Variants in BDP1 observed in about 807,000 individuals in gnomAD.
BDP1 encodes the protein BDP1 general transcription factor IIIB subunit.
In BDP1, 169 loss-of-function variants were observed where a neutral mutation model predicts 266.6. That is an observed-to-expected ratio of 0.63 (90% CI 0.56 to 0.72). The LOEUF is 0.72. Ranked by LOEUF, BDP1 falls within the 30% of genes least tolerant of loss-of-function variation. The pLI is 0.00. For synonymous variants in BDP1, 1,090 were observed against 1,022.4 expected, an observed-to-expected ratio of 1.07 and a Z score of -1.26; for missense variants, 3,015 against 3,053.8, an observed-to-expected ratio of 0.99 and a Z score of 0.30.
At chr5:71,550,702 A>T (rs1704247018) in intron 34 of BDP1, among the ~76,000 whole-genome samples, 1 of 152,110 alleles carries the variant, frequency 6.6e-6, no homozygotes, top group Non-Finnish European at 1.5e-5. Flanking sequence ...TAGAAATTGA[A>T]GACTTTAATA....
At chr5:71,501,064 T>C (rs1208557292) in intron 13 of BDP1, among the ~76,000 whole-genome samples, 1 of 150,590 alleles carries the variant, frequency 6.6e-6, no homozygotes, top group East Asian at 1.9e-4. Context: ...GTCACTGTAC[T>C]CTAGCCTGGG....
rs1298769025 is a variant in BDP1 at position 71,491,110 on chromosome 5, C to G, written c.1619C>G (p.Thr540Ser). ...TCCACTGAAAAAGTTGAGAAAAGAA[C>G]TGACCCCATCCTTTCATTAAGGTAT... Reference protein sequence around the residue: ...FASTEKVEKRTDPILSLSNQQ... With the variant: ...FASTEKVEKRSDPILSLSNQQ... The change falls in exon 11 of 39, where the codon ACT becomes AGT. Residue 540 changes from threonine to serine, a missense_variant. Thr to Ser is a moderately conservative substitution (Grantham distance 58, BLOSUM62 1). Around this residue, in one of 3 missense-constraint regions of BDP1, gnomAD observed 2,383 missense variants for 2,404.9 expected, o/e 0.99. Coordinates refer to ENST00000358731, the MANE Select transcript of BDP1 (RefSeq NM_018429.3). 2 of 1,613,908 alleles carry G rather than the reference C, an allele frequency of 1.2e-6. No individual in the cohort carries two copies. Among genetic ancestry groups the G allele is most frequent in the Admixed American group, 3.3e-5 (2 of 59,984 alleles).
At chr5:71,512,622 AAC>A (rs759705118) in intron 18 of BDP1, among the ~76,000 whole-genome samples, 194 bp downstream of exon 18, 26 of 152,216 alleles carry the variant, frequency 1.7e-4, no homozygotes, top group Non-Finnish European at 3.5e-4. Flanking sequence ...AATTGTATGT[AAC>A]AGTCTTAAAT....
chr5:71,503,815 T>G (rs1764406905), intron 15 of BDP1, among the ~76,000 whole-genome samples: 1 of 151,810 alleles, frequency 6.6e-6, no homozygotes, highest in Non-Finnish European at 1.5e-5. Flanking sequence ...AACAAAAATT[T>G]TTTTAATTAG....
chr5:71,569,679 A>G (rs564121852), downstream of BDP1, among the ~76,000 whole-genome samples: 1 of 152,254 alleles, frequency 6.6e-6, no homozygotes, highest in East Asian at 1.9e-4. Flanking sequence ...CCAGAGGTGG[A>G]GGTTGCAGTA....
In BDP1 at chr5:71,564,948, A is replaced by C. The variant is rs574229159; in HGVS notation, c.*63A>C. 1.4e-5 allele frequency: 20 copies of C among 1,445,412 alleles called. No individual in the cohort carries two copies. In the African/African-American group the frequency reaches 2.7e-4, roughly 20 times the overall value. The allele number at this position is 1,445,412 out of a possible 1,614,324, so 89.5% of individuals were successfully genotyped here. ...AGGATTTCCAGAGTCAATTACATCA[A>C]CAAAACAGTATTTAGAGCAAAATAT... On this transcript the variant is annotated 3_prime_UTR_variant, in exon 39 of 39. Transcript: ENST00000358731.
intron 9 of BDP1, among the ~76,000 whole-genome samples, chr5:71,487,570 A>G (rs1447320443): frequency 6.6e-6 from 1 of 152,124 alleles, no homozygotes; most frequent in African/African-American, 2.4e-5. Context: ...TCACCAAGAA[A>G]CAGCCCCAGA....
chr5:71,559,034 A>G (rs1743436690), intron 36 of BDP1, among the ~76,000 whole-genome samples: 1 of 151,364 alleles, frequency 6.6e-6, no homozygotes, highest in South Asian at 2.1e-4. Flanking sequence ...CATGCCTGTA[A>G]TCCCAGCTAC....
At chr5:71,535,344 A>G (rs1766527328) in intron 26 of BDP1, among the ~76,000 whole-genome samples, 1 of 151,890 alleles carries the variant, frequency 6.6e-6, no homozygotes, top group South Asian at 2.1e-4. Flanking sequence ...AGCTGGGATT[A>G]CAAGCGCCCG....
chr5:71,542,409 A>G, intron 30 of BDP1, 144 bp downstream of exon 30: 1 of 756,720 alleles, frequency 1.3e-6, no homozygotes, highest in South Asian at 2.0e-5. Flanking sequence ...GCTATAAAAT[A>G]AATACCCATA....
chr5:71,505,271 T>C (rs1389300743), intron 16 of BDP1, among the ~76,000 whole-genome samples: 2 of 152,148 alleles, frequency 1.3e-5, no homozygotes, highest in African/African-American at 2.4e-5. Flanking sequence ...CCTCCTAAAG[T>C]GGTGGGATTA....
intron 22 of BDP1, among the ~76,000 whole-genome samples, chr5:71,517,803 C>T (rs924703810): frequency 1.3e-5 from 2 of 152,118 alleles, no homozygotes; most frequent in African/African-American, 4.8e-5. Context: ...GTGGTTCACG[C>T]CTGTAATCTC....
rs753745144 is a variant in BDP1 at position 71,470,460 on chromosome 5, T to C, written c.985T>C (p.Phe329Leu). Residue 329 changes from phenylalanine to leucine, a missense_variant, in exon 7 of 39, where the codon TTT becomes CTT. Coordinates refer to ENST00000358731, the MANE Select transcript of BDP1 (RefSeq NM_018429.3). ...TGACTTTTCTATGATCGGACAACTT[T>C]TTCCTCACAGAGCAAGGATAGAAAT... Reference protein sequence around the residue: ...GTDFSMIGQLFPHRARIEIKN... With the variant: ...GTDFSMIGQLLPHRARIEIKN... 26 of 1,612,070 alleles carry C rather than the reference T, an allele frequency of 1.6e-5. No homozygotes were observed. The South Asian group carries it at 2.3e-4, about 14-fold the overall frequency.
chr5:71,545,988 C>T (rs1220255725), intron 32 of BDP1, among the ~76,000 whole-genome samples: 3 of 151,892 alleles, frequency 2.0e-5, no homozygotes, highest in Non-Finnish European at 4.4e-5. Flanking sequence ...CAGAGTGAGA[C>T]CCTGTTTCCA....
At position 71,470,438 on chromosome 5, in the gene BDP1, C is replaced by G; in HGVS notation, c.963C>G (p.Asp321Glu). 6.2e-7 allele frequency: 1 copy of G among 1,612,582 alleles called. No individual in the cohort carries two copies. The highest frequency in any genetic ancestry group is 8.5e-7 in the Non-Finnish European group (1 of 1,179,402). ...FFLAISMVGT[D>E]FSMIGQLFPH... ...TAGCCATCAGCATGGTAGGAACTGA[C>G]TTTTCTATGATCGGACAACTTTTTC... is the stretch of plus-strand genomic sequence containing the variant. The change falls in exon 7 of 39, where the codon GAC (aspartate) becomes GAG (glutamate). Residue 321 changes from aspartate to glutamate, a missense_variant. By Grantham distance (45) the Asp-to-Glu change is conservative. Coordinates refer to ENST00000358731, the MANE Select transcript of BDP1 (RefSeq NM_018429.3).
At chr5:71,470,781 G>A (rs762421732) in intron 7 of BDP1, among the ~76,000 whole-genome samples, 26 of 151,472 alleles carry the variant, frequency 1.7e-4, no homozygotes, top group Non-Finnish European at 3.5e-4. Flanking sequence ...GTAGAGACGG[G>A]GTTTTACCAT....
intron 6 of BDP1, 87 bp downstream of exon 6, chr5:71,467,574 C>A: frequency 8.9e-7 from 1 of 1,124,632 alleles, no homozygotes; most frequent in Non-Finnish European, 1.3e-6. Flanking sequence ...CCCCTAAGTA[C>A]ATAAAATGCA....
chr5:71,462,153 G>A (rs1761617824), intron 3 of BDP1, among the ~76,000 whole-genome samples: 1 of 151,930 alleles, frequency 6.6e-6, no homozygotes, highest in Admixed American at 6.6e-5. Flanking sequence ...AGTAGAGACT[G>A]GGTTTCGCCA....
Position 71,525,561 on chromosome 5 carries a change from C to T in BDP1, c.5772+1238C>T, listed in dbSNP as rs1158891194. On this transcript the variant is annotated intron_variant, in intron 25 of 38. Transcript: ENST00000358731. ...GGGGCTGACCTCCCCACCTCCCTCC[C>T]GGATGGGGCGGCTGGCCGGGCGGGG... Among the ~76,000 whole-genome samples, 5 of 66,626 alleles carry T rather than the reference C, an allele frequency of 7.5e-5. 1 individual carries two copies. The highest frequency in any genetic ancestry group is 1.8e-4 in the Non-Finnish European group (5 of 27,520). 43.7% of individuals were successfully genotyped at this position (66,626 alleles called of 152,430 possible).
Sources: allele counts gnomAD v4.1 joint callset (sites outside exome capture counted in the v4.1 genomes callset), GRCh38; gene constraint gnomAD v4.1.1; regional missense constraint gnomAD v4.1.1; transcripts MANE v1.5; gene names NCBI Gene and HGNC (gene_info 2026-07-23, HGNC 2026-07-21).